The following CACNA2D3 variants were observed in gnomAD, a reference collection of about 807,000 sequenced individuals.
CACNA2D3 encodes calcium voltage-gated channel auxiliary subunit alpha2delta 3, also known as voltage-dependent calcium channel subunit alpha-2/delta-3.
CACNA2D3 carries 60 observed loss-of-function variants against 160.6 expected under a neutral mutation model. That is an observed-to-expected ratio of 0.37 (90% CI 0.30 to 0.46). The LOEUF is 0.46. Ranked by LOEUF, CACNA2D3 falls within the 20% of genes least tolerant of loss-of-function variation. CACNA2D3 has a pLI of 1.00. For missense variants in CACNA2D3, 1,205 were observed against 1,365.0 expected (o/e 0.88, Z 1.85); for synonymous variants, 558 against 492.9 (o/e 1.13, Z -1.75).
intron 13 of CACNA2D3, among the ~76,000 whole-genome samples, chr3:54,778,282 T>TG (rs1281121843): frequency 1.3e-5 from 2 of 152,026 alleles, no homozygotes; most frequent in Non-Finnish European, 2.9e-5. Context: ...TCTCCAACAT[T>TG]GGGGGTTACA....
chr3:54,546,698 GCACACACACACGCGCGCA>G (rs11268417), intron 5 of CACNA2D3, among the ~76,000 whole-genome samples: 83,749 of 151,264 alleles, frequency 0.55, 23,714 homozygotes, highest in Non-Finnish European at 0.64. Flanking sequence ...ATCAACACAT[GCACACACACACGCGCGCA>G]CACACACACA....
chr3:54,441,903 G>A (rs1033168109), intron 4 of CACNA2D3, among the ~76,000 whole-genome samples: 1 of 152,128 alleles, frequency 6.6e-6, no homozygotes, highest in Admixed American at 6.6e-5. Context: ...CTTATGCATT[G>A]TTTTATACTG....
At chr3:54,594,053 T>A (rs992023268) in intron 9 of CACNA2D3, among the ~76,000 whole-genome samples, 2 of 152,234 alleles carry the variant, frequency 1.3e-5, no homozygotes, top group Non-Finnish European at 1.5e-5. Flanking sequence ...GATTAGCCAG[T>A]ATATGCCAAT....
intron 2 of CACNA2D3, among the ~76,000 whole-genome samples, chr3:54,163,533 G>A (rs186004704): frequency 1.8e-3 from 275 of 152,294 alleles, no homozygotes; most frequent in Non-Finnish European, 3.2e-3. Flanking sequence ...CTTCCTGCTC[G>A]CGTTTCATTA....
At chr3:54,463,482 C>CT (rs1319836555) in intron 4 of CACNA2D3, among the ~76,000 whole-genome samples, 17 of 152,214 alleles carry the variant, frequency 1.1e-4, no homozygotes, top group African/African-American at 4.1e-4. Context: ...TCTTTTTATT[C>CT]TTTTTTCTGT....
chr3:54,492,455 A>G (rs1255901086), intron 4 of CACNA2D3, among the ~76,000 whole-genome samples: 1 of 152,172 alleles, frequency 6.6e-6, no homozygotes. Context: ...ATCCCAGGCC[A>G]TAGGAGCCAT....
At chr3:54,289,663 C>G (rs909752932) in intron 2 of CACNA2D3, among the ~76,000 whole-genome samples, 21 of 152,342 alleles carry the variant, frequency 1.4e-4, no homozygotes, top group African/African-American at 4.1e-4. Flanking sequence ...AACTATACAA[C>G]AAGGCTACAG....
chr3:54,628,991 G>A lies in CACNA2D3; in HGVS notation c.1053+1115G>A, dbSNP rs960675454. Among the ~76,000 whole-genome samples the A allele has an allele frequency of 5.3e-5, 8 of 152,106 alleles. No individual in the cohort carries two copies. In the East Asian group the frequency reaches 1.2e-3, roughly 22 times the overall value. ...CAGAAAATGCCTATCCCCTGAGAGCGTAGAGAAATTGCTTAGAAAGACCTT... is the reference window on the plus strand; with the variant it reads ...CAGAAAATGCCTATCCCCTGAGAGCATAGAGAAATTGCTTAGAAAGACCTT... On this transcript the variant is annotated intron_variant, in intron 10 of 37. Transcript: ENST00000474759.
chr3:54,812,782 G>T (rs1703352832), intron 13 of CACNA2D3, among the ~76,000 whole-genome samples: 1 of 152,168 alleles, frequency 6.6e-6, no homozygotes, highest in South Asian at 2.1e-4. Context: ...ACTTTCAACA[G>T]GAACATTTCC....
chr3:54,768,498 G>A (rs1019827583), intron 13 of CACNA2D3, among the ~76,000 whole-genome samples: 3 of 152,112 alleles, frequency 2.0e-5, no homozygotes, highest in African/African-American at 7.2e-5. Flanking sequence ...AAGTTAGAGG[G>A]GGAACCCATT....
chr3:54,690,073 T>C (rs967713017), intron 11 of CACNA2D3, among the ~76,000 whole-genome samples: 11 of 152,022 alleles, frequency 7.2e-5, no homozygotes, highest in African/African-American at 2.7e-4. Context: ...GGGACATTTT[T>C]CCCTAGATAT....
chr3:54,460,644 G>A (rs1397569317), intron 4 of CACNA2D3, among the ~76,000 whole-genome samples: 1 of 152,186 alleles, frequency 6.6e-6, no homozygotes, highest in Non-Finnish European at 1.5e-5. Flanking sequence ...AGACTTTGCT[G>A]AAGTTGCTTA....
intron 2 of CACNA2D3, among the ~76,000 whole-genome samples, chr3:54,227,850 G>C (rs185367792): frequency 5.3e-5 from 8 of 152,110 alleles, no homozygotes; most frequent in Non-Finnish European, 8.8e-5. Context: ...CACCCGGCCT[G>C]TCCACGTCTC....
intron 4 of CACNA2D3, among the ~76,000 whole-genome samples, chr3:54,467,796 T>G (rs993750486): frequency 1.3e-5 from 2 of 152,144 alleles, no homozygotes; most frequent in African/African-American, 4.8e-5. Flanking sequence ...AATAAATGCT[T>G]GTGTTCCATT....
intron 2 of CACNA2D3, among the ~76,000 whole-genome samples, chr3:54,319,091 C>T (rs930685016): frequency 6.6e-6 from 1 of 151,576 alleles, no homozygotes; most frequent in Non-Finnish European, 1.5e-5. Flanking sequence ...TTTCAGGATA[C>T]CCAGTATTAC....
At chr3:54,714,621 A>T (rs1701017292) in intron 11 of CACNA2D3, among the ~76,000 whole-genome samples, 2 of 152,164 alleles carry the variant, frequency 1.3e-5, no homozygotes, top group South Asian at 4.1e-4. Context: ...CTTGTTTCGT[A>T]TGTTTACACT....
intron 4 of CACNA2D3, among the ~76,000 whole-genome samples, chr3:54,432,709 G>T (rs998359216): frequency 6.6e-6 from 1 of 152,118 alleles, no homozygotes; most frequent in Admixed American, 6.6e-5. Context: ...TCTGTATATA[G>T]ATTTTTTTCT....
intron 3 of CACNA2D3, among the ~76,000 whole-genome samples, chr3:54,344,922 C>G (rs1414531227): frequency 1.3e-5 from 2 of 152,206 alleles, no homozygotes; most frequent in Non-Finnish European, 2.9e-5. Context: ...CCAGCCAAAA[C>G]CCACCAAAAC....
intron 2 of CACNA2D3, among the ~76,000 whole-genome samples, chr3:54,266,651 C>T (rs750769576): frequency 6.6e-6 from 1 of 152,170 alleles, no homozygotes; most frequent in Non-Finnish European, 1.5e-5. Flanking sequence ...ATTTCAGTAG[C>T]AGCCTAGTCC....
Sources: allele counts gnomAD v4.1 joint callset (sites outside exome capture counted in the v4.1 genomes callset), GRCh38; gene constraint gnomAD v4.1.1; transcripts MANE v1.5; gene names NCBI Gene and HGNC (gene_info 2026-07-23, HGNC 2026-07-21).